LARGE1: variants seen among roughly 807,000 people sequenced by gnomAD.
LARGE1 encodes LARGE xylosyl- and glucuronyltransferase 1.
In LARGE1, 43 loss-of-function variants were observed where a neutral mutation model predicts 87.6. The ratio of observed to expected loss-of-function variants is 0.49; its 90% confidence interval spans 0.38 to 0.63. The LOEUF is 0.63. LARGE1 is among the 30% of genes least tolerant of loss of function. The probability of loss-of-function intolerance (pLI) is 0.00; values close to 1 mark genes in which losing one functional copy is unlikely to be tolerated. For missense variants in LARGE1, 802 were observed against 1,000.2 expected, an observed-to-expected ratio of 0.80 and a Z score of 2.67; for synonymous variants, 434 against 394.6, an observed-to-expected ratio of 1.10 and a Z score of -1.18.
At chr22:33,736,560 G>A (rs982321962) in intron 2 of LARGE1, among the ~76,000 whole-genome samples, 5 of 152,298 alleles carry the variant, frequency 3.3e-5, no homozygotes, top group East Asian at 1.9e-4. Context: ...ATAAATGACT[G>A]CAAATATTTT....
At position 33,481,807 on chromosome 22, in the gene LARGE1, T is replaced by C. The variant is rs75809129; in HGVS notation, c.788-49542A>G. ...CAGAGGTTGACAGATGATGTAAAAATTGGTCATAAAGAGACCGGCACCAGT... is the reference window on the plus strand; with the variant it reads ...CAGAGGTTGACAGATGATGTAAAAACTGGTCATAAAGAGACCGGCACCAGT... On this transcript the variant is annotated intron_variant, in intron 6 of 14. Transcript: ENST00000397394. 6.2e-3 allele frequency among the ~76,000 whole-genome samples: 940 copies of C among 152,246 alleles called. 6 individuals are homozygous for C. The highest frequency in any genetic ancestry group is 0.021 in the African/African-American group (889 of 41,542).
chr22:33,617,405 T>A (rs777629314), intron 4 of LARGE1, among the ~76,000 whole-genome samples: 1 of 152,140 alleles, frequency 6.6e-6, no homozygotes, highest in African/African-American at 2.4e-5. Context: ...CAAAGGGAGA[T>A]TAGCAAGAGT....
intron 7 of LARGE1, among the ~76,000 whole-genome samples, chr22:33,424,874 A>G (rs148092402): frequency 1.3e-5 from 2 of 152,176 alleles, no homozygotes; most frequent in East Asian, 3.9e-4. Flanking sequence ...TTAAAATCCT[A>G]ATTCCTAATG....
At chr22:33,483,648 T>A (rs1175688772) in intron 6 of LARGE1, among the ~76,000 whole-genome samples, 1 of 152,130 alleles carries the variant, frequency 6.6e-6, no homozygotes, top group Non-Finnish European at 1.5e-5. Flanking sequence ...CATTAATGAA[T>A]GCTAGTAATG....
chr22:33,913,302 T>C (rs755799970), intron 1 of LARGE1, among the ~76,000 whole-genome samples: 3 of 152,224 alleles, frequency 2.0e-5, no homozygotes, highest in Non-Finnish European at 4.4e-5. Context: ...AGGTAGAATG[T>C]GCGGGTGGTT....
rs748508322 is a variant in LARGE1, at chr22:33,337,699, G to A, written c.1234C>T (p.Leu412=). The A allele has an allele frequency of 2.9e-5, 46 of 1,614,024 alleles. No homozygotes were observed. The Admixed American group carries it at 7.2e-4, about 25-fold the overall frequency. ...GGGCAGCCAAACAGTTCCCGCCTCAGAAGATTGCCGTCATACTCCAGGAAG... is the reference window on the plus strand; with the variant it reads ...GGGCAGCCAAACAGTTCCCGCCTCAAAAGATTGCCGTCATACTCCAGGAAG... ...LTFLEYDGNL[L]RRELFGCPSE... Residue 412 remains leucine, a synonymous_variant, in exon 10 of 15, where the codon CTG becomes TTG. Coordinates refer to ENST00000397394, the MANE Select transcript of LARGE1 (RefSeq NM_133642.5).
chr22:33,660,094 T>G (rs868748368), intron 2 of LARGE1, among the ~76,000 whole-genome samples: 5,318 of 115,206 alleles, frequency 0.046, 79 homozygotes, highest in Non-Finnish European at 0.066. Flanking sequence ...GTGTGTGTTT[T>G]TTTTTTTTTT....
intron 6 of LARGE1, among the ~76,000 whole-genome samples, chr22:33,466,693 T>TCCACACACACAC (rs1555925562): frequency 6.9e-6 from 1 of 145,246 alleles, no homozygotes; most frequent in Admixed American, 6.9e-5. Context: ...TCTCTCTCTC[T>TCCACACACACAC]ACACACACAC....
chr22:33,107,348 G>T, the LARGE1 span, among the ~76,000 whole-genome samples: 1 of 152,170 alleles, frequency 6.6e-6, no homozygotes, highest in African/African-American at 2.4e-5. Flanking sequence ...CAGATTGCTT[G>T]AACTCAGGAG....
At chr22:33,585,818 C>T (rs2078655521) in intron 5 of LARGE1, among the ~76,000 whole-genome samples, 2 of 152,184 alleles carry the variant, frequency 1.3e-5, no homozygotes, top group Non-Finnish European at 2.9e-5. Context: ...GTGAGTCTTT[C>T]GTGACCTCTC....
intron 3 of LARGE1, among the ~76,000 whole-genome samples, chr22:33,645,914 T>C (rs1181420063): frequency 2.6e-5 from 4 of 152,186 alleles, no homozygotes; most frequent in African/African-American, 7.2e-5. Context: ...CCAGTTGGAA[T>C]GGCGATCATT....
At chr22:33,797,332 G>C (rs139163738) in intron 1 of LARGE1, among the ~76,000 whole-genome samples, 65 of 152,282 alleles carry the variant, frequency 4.3e-4, no homozygotes, top group African/African-American at 1.5e-3. Flanking sequence ...ATTGTTGACA[G>C]GTATTTTCTC....
intron 5 of LARGE1, among the ~76,000 whole-genome samples, chr22:33,586,439 G>A (rs909511515): frequency 8.0e-5 from 12 of 150,862 alleles, no homozygotes; most frequent in Middle Eastern, 3.2e-3. Context: ...CCCCAAACAG[G>A]GAGAACAACA....
chr22:33,853,228 T>G (rs986141248), intron 1 of LARGE1, among the ~76,000 whole-genome samples: 9 of 152,272 alleles, frequency 5.9e-5, no homozygotes, highest in Non-Finnish European at 1.2e-4. Context: ...GTCTGCAGAT[T>G]CCCTGCCACA....
At chr22:33,500,753 G>A (rs890320845) in intron 6 of LARGE1, among the ~76,000 whole-genome samples, 5 of 152,190 alleles carry the variant, frequency 3.3e-5, no homozygotes, top group Non-Finnish European at 7.3e-5. Context: ...TACACAGGAA[G>A]CCATTAATCT....
the LARGE1 span, among the ~76,000 whole-genome samples, chr22:33,136,888 G>A: frequency 6.6e-6 from 1 of 151,722 alleles, no homozygotes; most frequent in South Asian, 2.1e-4. Flanking sequence ...GGCTCTGTTA[G>A]GGGAGGAGAA....
intron 11 of LARGE1, among the ~76,000 whole-genome samples, chr22:33,259,589 C>T (rs984002616): frequency 1.3e-5 from 2 of 152,208 alleles, no homozygotes; most frequent in Non-Finnish European, 2.9e-5. Flanking sequence ...ACAGGAACTA[C>T]AGAGCTTATT....
At chr22:33,822,947 G>T (rs139569667) in intron 1 of LARGE1, among the ~76,000 whole-genome samples, 2,770 of 152,232 alleles carry the variant, frequency 0.018, 42 homozygotes, top group Middle Eastern at 0.051. Flanking sequence ...AGTGATCTAT[G>T]ACACTCCAGC....
chr22:33,594,187 C>G (rs1341637890), intron 5 of LARGE1, among the ~76,000 whole-genome samples: 2 of 152,184 alleles, frequency 1.3e-5, no homozygotes, highest in Non-Finnish European at 2.9e-5. Context: ...TGTCGAGGCT[C>G]CTTTTGATCT....
Sources: gnomAD v4.1 joint callset for allele counts (sites outside exome capture counted in the v4.1 genomes callset) on GRCh38, gnomAD v4.1.1 for gene constraint, MANE v1.5 for transcripts, NCBI Gene and HGNC (gene_info 2026-07-23, HGNC 2026-07-21) for gene names.